The following NLGN1 variants were observed in gnomAD, a reference collection of about 807,000 sequenced individuals.
NLGN1 encodes neuroligin-1.
A neutral mutation model predicts 65.5 loss-of-function variants in NLGN1; 12 were observed. That is an observed-to-expected ratio of 0.18 (90% CI 0.12 to 0.30). NLGN1 has a LOEUF of 0.30. Ranked by LOEUF, NLGN1 falls within the 10% of genes least tolerant of loss-of-function variation. The pLI is 1.00. For missense variants in NLGN1, 750 were observed against 1,007.1 expected, an observed-to-expected ratio of 0.74 and a Z score of 3.46; for synonymous variants, 350 against 359.5, an observed-to-expected ratio of 0.97 and a Z score of 0.30.
chr3:173,649,180 T>G (rs1235955092), intron 3 of NLGN1, among the ~76,000 whole-genome samples: 1 of 152,074 alleles, frequency 6.6e-6, no homozygotes, highest in Non-Finnish European at 1.5e-5. Flanking sequence ...GTATAAAACT[T>G]TAGAAAATGC....
chr3:173,979,483 A>G (rs1193987473), intron 4 of NLGN1, among the ~76,000 whole-genome samples: 1 of 152,168 alleles, frequency 6.6e-6, no homozygotes, highest in African/African-American at 2.4e-5. Context: ...ATAATGGCTA[A>G]TGGGCTCTAG....
chr3:173,598,230 A>G (rs1749833387), intron 2 of NLGN1, among the ~76,000 whole-genome samples: 1 of 152,210 alleles, frequency 6.6e-6, no homozygotes, highest in African/African-American at 2.4e-5. Flanking sequence ...AATAAAAACA[A>G]AGTGCTATTG....
chr3:174,245,152 G>T (rs1278041256), intron 4 of NLGN1, among the ~76,000 whole-genome samples: 1 of 152,096 alleles, frequency 6.6e-6, no homozygotes, highest in African/African-American at 2.4e-5. Flanking sequence ...TGTAATAGAT[G>T]TACTGCTAGC....
chr3:173,546,550 A>G (rs1412915890), intron 2 of NLGN1, among the ~76,000 whole-genome samples: 1 of 152,190 alleles, frequency 6.6e-6, no homozygotes, highest in Non-Finnish European at 1.5e-5. Flanking sequence ...TTCTCATAGG[A>G]GTAACAAAAA....
chr3:173,674,887 G>T (rs919017085), intron 3 of NLGN1, among the ~76,000 whole-genome samples: 2 of 151,920 alleles, frequency 1.3e-5, no homozygotes, highest in Non-Finnish European at 2.9e-5. Flanking sequence ...TTCTGTAACT[G>T]TAGTAATAGG....
At chr3:173,526,719 G>T (rs1398363477) in intron 2 of NLGN1, among the ~76,000 whole-genome samples, 1 of 152,020 alleles carries the variant, frequency 6.6e-6, no homozygotes, top group African/African-American at 2.4e-5. Flanking sequence ...ACAATTTTTT[G>T]TACCTATTAA....
intron 3 of NLGN1, among the ~76,000 whole-genome samples, chr3:173,613,575 C>G (rs550709229): frequency 6.6e-6 from 1 of 152,074 alleles, no homozygotes; most frequent in African/African-American, 2.4e-5. Context: ...TATATGCAAA[C>G]ATGGTTTAAG....
At chr3:173,829,557 T>C (rs1474814353) in intron 4 of NLGN1, among the ~76,000 whole-genome samples, 3 of 143,126 alleles carry the variant, frequency 2.1e-5, no homozygotes, top group East Asian at 2.1e-4. Flanking sequence ...TGTGTGCGTG[T>C]GTGTGTGTGT....
chr3:173,871,617 AC>A (rs1295340807), intron 4 of NLGN1, among the ~76,000 whole-genome samples: 2 of 152,226 alleles, frequency 1.3e-5, no homozygotes, highest in African/African-American at 4.8e-5. Context: ...GCATAGCTCT[AC>A]TGGTGGCTAA....
chr3:174,086,745 A>G (rs1277184173), intron 4 of NLGN1, among the ~76,000 whole-genome samples: 1 of 152,108 alleles, frequency 6.6e-6, no homozygotes, highest in East Asian at 1.9e-4. Flanking sequence ...TAAAATAAAT[A>G]TTTGAATAAT....
At chr3:173,901,363 T>TGGGGGGGGG (rs1387951154) in intron 4 of NLGN1, among the ~76,000 whole-genome samples, 1 of 133,366 alleles carries the variant, frequency 7.5e-6, no homozygotes, top group African/African-American at 2.8e-5. Context: ...AGTATTTTTT[T>TGGGGGGGGG]TGGGGGGGTG....
At chr3:173,666,322 A>G (rs1383145058) in intron 3 of NLGN1, among the ~76,000 whole-genome samples, 1 of 152,152 alleles carries the variant, frequency 6.6e-6, no homozygotes, top group African/African-American at 2.4e-5. Context: ...TGTCCTATTG[A>G]TAGGATACAA....
chr3:173,464,183 G>A (rs1280419650), intron 2 of NLGN1, among the ~76,000 whole-genome samples: 1 of 151,946 alleles, frequency 6.6e-6, no homozygotes, highest in Non-Finnish European at 1.5e-5. Flanking sequence ...GTCTACTATG[G>A]AGAAGCATGA....
intron 3 of NLGN1, among the ~76,000 whole-genome samples, chr3:173,621,542 T>A (rs1013886047): frequency 1.3e-5 from 2 of 151,432 alleles, no homozygotes; most frequent in East Asian, 1.9e-4. Context: ...ATAACAAGAG[T>A]GGTTTCAGTA....
intron 4 of NLGN1, among the ~76,000 whole-genome samples, chr3:173,817,206 A>C (rs758233873): frequency 2.0e-5 from 3 of 152,246 alleles, no homozygotes; most frequent in Non-Finnish European, 2.9e-5. Flanking sequence ...CAGCAAACTC[A>C]GCTGGAATGC....
At chr3:173,728,771 GC>G (rs887110382) in intron 3 of NLGN1, among the ~76,000 whole-genome samples, 2 of 152,034 alleles carry the variant, frequency 1.3e-5, no homozygotes, top group African/African-American at 4.8e-5. Context: ...ATTGCTGGAA[GC>G]CCCCAGAAGC....
intron 4 of NLGN1, among the ~76,000 whole-genome samples, chr3:173,823,385 T>C (rs1028282791): frequency 2.0e-5 from 3 of 152,094 alleles, no homozygotes; most frequent in Non-Finnish European, 2.9e-5. Flanking sequence ...CAAACTAATA[T>C]ATCCAAAATA....
chr3:173,734,178 G>A (rs543652761), intron 3 of NLGN1, among the ~76,000 whole-genome samples: 46 of 151,722 alleles, frequency 3.0e-4, no homozygotes, highest in Admixed American at 3.0e-3. Context: ...TATTGGTTTT[G>A]TTAATAACAT....
At chr3:173,555,561 C>T (rs879656628) in intron 2 of NLGN1, among the ~76,000 whole-genome samples, 31 of 152,178 alleles carry the variant, frequency 2.0e-4, no homozygotes, top group African/African-American at 7.0e-4. Context: ...CTCGCTATGG[C>T]CTCAAAATCC....
Sources: gnomAD v4.1 joint callset for allele counts (sites outside exome capture counted in the v4.1 genomes callset) on GRCh38, gnomAD v4.1.1 for gene constraint, MANE v1.5 for transcripts, NCBI Gene and HGNC (gene_info 2026-07-23, HGNC 2026-07-21) for gene names.